ZNF418: variants seen among roughly 807,000 people sequenced by gnomAD.
The protein encoded by ZNF418 is zinc finger protein 418.
ZNF418 carries 32 observed loss-of-function variants against 32.0 expected under a neutral mutation model. The ratio of observed to expected loss-of-function variants is 1.00; its 90% CI spans 0.75 to 1.34. The LOEUF is 1.34. ZNF418 is among the 40% of genes most tolerant of loss of function. The pLI, the probability that ZNF418 is intolerant of heterozygous loss-of-function variation, is 0.00. For missense variants in ZNF418, 804 were observed against 812.5 expected (o/e 0.99, Z 0.13); for synonymous variants, 276 against 270.7 (o/e 1.02, Z -0.19).
intron 4 of ZNF418, among the ~76,000 whole-genome samples, chr19:57,925,236 A>G (rs915102385): frequency 1.2e-4 from 19 of 152,132 alleles, no homozygotes; most frequent in Admixed American, 5.2e-4. Flanking sequence ...CAAGGAGGGC[A>G]GATCATGAGG....
chr19:57,927,926 T>G lies in ZNF418; in HGVS notation c.255A>C (p.Glu85Asp). Residue 85 changes from glutamate to aspartate, a missense_variant, in exon 4 of 6, where the codon GAA becomes GAC. Physicochemically the swap from Glu to Asp is conservative, Grantham distance 45. Transcript: ENST00000396147. Reference sequence around the variant, plus strand: ...TGTCTCCCAAGATCGCGCCACACATTTCACAAGAGTGGGCCTTCTTGGGAG... The same window carrying G: ...TGTCTCCCAAGATCGCGCCACACATGTCACAAGAGTGGGCCTTCTTGGGAG... ...GVSPKKAHSC[E>D]MCGAILGDIL... 1.2e-6 allele frequency: 2 copies of G among 1,613,996 alleles called. No homozygotes were observed. Among genetic ancestry groups the G allele is most frequent in the Non-Finnish European group, 1.7e-6 (2 of 1,179,990 alleles).
Position 57,933,864 on chromosome 19 carries a change from C to CA in ZNF418, c.-43dup. 6.2e-7 allele frequency: 1 copy of CA among 1,614,122 alleles called. No homozygotes were observed. The highest frequency in any genetic ancestry group is 8.5e-7 in the Non-Finnish European group (1 of 1,180,022). On this transcript the variant is annotated 5_prime_UTR_variant, in exon 2 of 6. The change creates a premature stop within an existing upstream ORF in the 5' untranslated region. Coordinates refer to ENST00000396147, the MANE Select transcript of ZNF418 (RefSeq NM_133460.3). The stretch of plus-strand genomic sequence containing the variant: ...ACTCTGATCCTCCTTCCTCCTCCCT[C>CA]AAACACAGTGTGTTCTCTTCTTTGC...
In ZNF418 at chr19:57,926,078, C is replaced by T. The variant is rs2072203467; in HGVS notation, c.*72G>A. 3 of 1,318,178 alleles carry T rather than the reference C, an allele frequency of 2.3e-6. No homozygotes were observed. In the Admixed American group the frequency reaches 6.3e-5, roughly 28 times the overall value. The allele number at this position is 1,318,178 out of a possible 1,614,324, so 81.7% of individuals were successfully genotyped here. The stretch of plus-strand genomic sequence containing the variant: ...CCCACGTTTGTCACACTCATAAGGT[C>T]CTGATCCAGTAAGAACCCTCTGATC... On this transcript the variant is annotated 3_prime_UTR_variant, in exon 4 of 6. Transcript: ENST00000396147.
At position 57,923,638 on chromosome 19, in the gene ZNF418, G is replaced by A. The variant is rs551867886; in HGVS notation, c.*528-349C>T. ...CACCCAGGCTGGAGTACAGTGGTGC[G>A]ATCTTGGCTCACGGCAAGCTCCACC... On this transcript the variant is annotated intron_variant, in intron 4 of 5. Coordinates refer to ENST00000396147, the MANE Select transcript of ZNF418 (RefSeq NM_133460.3). Among the ~76,000 whole-genome samples the A allele has an allele frequency of 6.0e-4, 91 of 151,694 alleles. No homozygotes were observed. The Middle Eastern group carries it at 0.01, about 17-fold the overall frequency.
intron 1 of ZNF418, 177 bp downstream of exon 1, chr19:57,934,984 G>A: frequency 7.0e-7 from 1 of 1,424,124 alleles, no homozygotes. Context: ...CGGTCCCTGT[G>A]CCTGTCGCTC....
Position 57,933,849 on chromosome 19 carries a change from T to C in ZNF418, c.-27A>G. The C allele has an allele frequency of 6.2e-7, 1 of 1,614,170 alleles. No homozygotes were observed. The highest frequency in any genetic ancestry group is 2.2e-5 in the East Asian group (1 of 44,886). On this transcript the variant is annotated 5_prime_UTR_variant, in exon 2 of 6. Transcript: ENST00000396147. Reference sequence around the variant, plus strand: ...ATGGCAGGAGTTTAAACTCTGATCCTCCTTCCTCCTCCCTCAAACACAGTG... The same window carrying C: ...ATGGCAGGAGTTTAAACTCTGATCCCCCTTCCTCCTCCCTCAAACACAGTG...
Position 57,933,799 on chromosome 19 carries a change from T to C in ZNF418, c.6+18A>G, listed in dbSNP as rs1222426195. Reference sequence around the variant, plus strand: ...AGCCACAGCTCCTTACTCATTAATATGGTCCAGTAACCCTCACCTGCATTA... The same window carrying C: ...AGCCACAGCTCCTTACTCATTAATACGGTCCAGTAACCCTCACCTGCATTA... On this transcript the variant is annotated intron_variant, in intron 2 of 5. Transcript: ENST00000396147. 6.2e-7 allele frequency: 1 copy of C among 1,614,026 alleles called. No homozygotes were observed.
rs201767897 is a variant in ZNF418, at chr19:57,930,451, T to C, written c.110A>G (p.Asn37Ser). 6.2e-7 allele frequency: 1 copy of C among 1,614,102 alleles called. No homozygotes were observed. Among genetic ancestry groups the C allele is most frequent in the Non-Finnish European group, 8.5e-7 (1 of 1,180,012 alleles). Residue 37 changes from asparagine (N) to serine (S), a missense_variant, in exon 3 of 6, where the codon AAC becomes AGC. By Grantham distance (46) the Asn-to-Ser change is conservative. Around this residue, in one of 3 missense-constraint regions of ZNF418, gnomAD observed 307 missense variants for 304.9 expected, o/e 1.01. Coordinates refer to ENST00000396147, the MANE Select transcript of ZNF418 (RefSeq NM_133460.3). The part of the protein sequence containing the change: ...RCLYHDVMLE[N>S]WVLISSLGCW... ...ACCCAGGGAGGATATAAGTACCCAG[T>C]TCTCCAGCATCACGTCATGGTAAAG...
chr19:57,933,055 C>A (rs1568553572), intron 2 of ZNF418, among the ~76,000 whole-genome samples: 3 of 152,156 alleles, frequency 2.0e-5, no homozygotes, highest in African/African-American at 4.8e-5. Context: ...CCCTTCCTGG[C>A]CCCCACAAAA....
At chr19:57,923,455 CAT>C (rs201906305) in intron 4 of ZNF418, among the ~76,000 whole-genome samples, 166 bp from the exon 5 acceptor site, 44 of 150,890 alleles carry the variant, frequency 2.9e-4, no homozygotes, top group Non-Finnish European at 4.3e-4. Flanking sequence ...TATATACACA[CAT>C]ATATATACAT....
chr19:57,928,100 A>G, intron 3 of ZNF418, 53 bp from the exon 4 acceptor site: 1 of 1,412,856 alleles, frequency 7.1e-7, no homozygotes, highest in Non-Finnish European at 9.6e-7. Context: ...GGGAAGGCAC[A>G]GCCCACCCAC....
chr19:57,932,559 G>A, intron 2 of ZNF418: 2 of 1,534,092 alleles, frequency 1.3e-6, no homozygotes, highest in Non-Finnish European at 8.7e-7. Context: ...CCACTTCTGT[G>A]TTGCACTTGG....
chr19:57,925,325 G>A (rs915069463), intron 4 of ZNF418, among the ~76,000 whole-genome samples: 3 of 152,088 alleles, frequency 2.0e-5, no homozygotes, highest in African/African-American at 7.2e-5. Flanking sequence ...GCTGGGCATG[G>A]TGGTGGGCAC....
chr19:57,929,627 C>T (rs1402820990), intron 3 of ZNF418, among the ~76,000 whole-genome samples: 8 of 152,042 alleles, frequency 5.3e-5, no homozygotes, highest in South Asian at 2.1e-4. Context: ...TTTTCAGCAA[C>T]AGTGGTTCAA....
At chr19:57,932,630 T>C in intron 2 of ZNF418, 1 of 1,458,830 alleles carries the variant, frequency 6.9e-7, no homozygotes, top group Non-Finnish European at 9.0e-7. Context: ...TCCCACTCCC[T>C]TGTTATGGAG....
chr19:57,929,013 A>T (rs2072370215), intron 3 of ZNF418, among the ~76,000 whole-genome samples: 1 of 151,788 alleles, frequency 6.6e-6, no homozygotes, highest in Non-Finnish European at 1.5e-5. Context: ...AACAAAAACC[A>T]AAAACAAAAC....
At position 57,927,038 on chromosome 19, in the gene ZNF418, T is replaced by C. The variant is rs749287516; in HGVS notation, c.1143A>G (p.Gln381=). The C allele has an allele frequency of 6.2e-7, 1 of 1,613,794 alleles. No homozygotes were observed. The highest frequency in any genetic ancestry group is 1.1e-5 in the South Asian group (1 of 91,070). The change falls in exon 4 of 6, where the codon CAA becomes CAG. Residue 381 remains glutamine (Q), a synonymous_variant. Transcript: ENST00000396147. Reference sequence around the variant, plus strand: ...GATGATGTTCAGTTAGGGTGCCCTTTTGACTAAAACATTTTCCACATTCTT... The same window carrying C: ...GATGATGTTCAGTTAGGGTGCCCTTCTGACTAAAACATTTTCCACATTCTT... The part of the protein sequence containing the change: ...ECEECGKCFS[Q]KGTLTEHHRV...
Position 57,926,641 on chromosome 19 carries a change from C to G in ZNF418, c.1540G>C (p.Glu514Gln), listed in dbSNP as rs201604700. ...HTGEKPFECS[E>Q]CGKSFPQSCS... is the part of the protein sequence containing the mutation. ...CTTTGAGGAAATGACTTCCCACATT[C>G]ACTACACTCAAACGGTTTTTCTCCA... The change falls in exon 4 of 6, where the codon GAA (glutamate) becomes CAA (glutamine). Residue 514 changes from glutamate to glutamine, a missense_variant. Glu to Gln is a conservative substitution (Grantham distance 29, BLOSUM62 2). Coordinates refer to ENST00000396147, the MANE Select transcript of ZNF418 (RefSeq NM_133460.3). The G allele has an allele frequency of 6.2e-7, 1 of 1,614,164 alleles. No individual in the cohort carries two copies.
In ZNF418 at chr19:57,933,782, C is replaced by T. The variant is rs930973645; in HGVS notation, c.6+35G>A. 8.1e-6 allele frequency: 13 copies of T among 1,613,116 alleles called. No individual in the cohort carries two copies. The African/African-American group carries it at 1.1e-4, about 13-fold the overall frequency. ...CTGTGAATCTTGAATCCAGCCACAG[C>T]TCCTTACTCATTAATATGGTCCAGT... On this transcript the variant is annotated intron_variant, in intron 2 of 5. Transcript: ENST00000396147.
Sources: allele counts gnomAD v4.1 joint callset (sites outside exome capture counted in the v4.1 genomes callset), GRCh38; gene constraint gnomAD v4.1.1; regional missense constraint gnomAD v4.1.1; transcripts MANE v1.5; gene names NCBI Gene and HGNC (gene_info 2026-07-23, HGNC 2026-07-21).